The following CDH4 variants were observed in gnomAD, a reference collection of about 807,000 sequenced individuals.
CDH4 encodes cadherin-4.
In CDH4, 33 loss-of-function variants were observed where a neutral mutation model predicts 86.0. The ratio of observed to expected loss-of-function variants is 0.38; its 90% CI spans 0.29 to 0.51. The LOEUF (loss-of-function observed/expected upper bound fraction) is 0.51. CDH4 is among the 20% of genes least tolerant of loss of function. The pLI is 0.86. For missense variants in CDH4, 1,114 were observed against 1,307.4 expected, an observed-to-expected ratio of 0.85 and a Z score of 2.28; for synonymous variants, 555 against 549.4, an observed-to-expected ratio of 1.01 and a Z score of -0.14.
intron 2 of CDH4, among the ~76,000 whole-genome samples, chr20:61,698,733 T>C (rs908658974): frequency 1.3e-5 from 2 of 152,160 alleles, no homozygotes; most frequent in Non-Finnish European, 2.9e-5. Context: ...CCCCACCCAG[T>C]AGACCCCCCC....
At chr20:61,584,460 G>A (rs926623247) in intron 2 of CDH4, among the ~76,000 whole-genome samples, 2 of 152,048 alleles carry the variant, frequency 1.3e-5, no homozygotes, top group African/African-American at 4.8e-5. Flanking sequence ...TAACAGTTCT[G>A]CCTGTTTAAC....
At chr20:61,929,471 GTGTA>G in intron 12 of CDH4, 134 bp from the exon 13 acceptor site, 3 of 655,430 alleles carry the variant, frequency 4.6e-6, no homozygotes, top group Admixed American at 2.3e-5. Flanking sequence ...TGTAGCACAG[GTGTA>G]TGTATGTATG....
In CDH4 at chr20:61,339,297, T is replaced by C. The variant is rs145395949; in HGVS notation, c.169+84360T>C. Among the ~76,000 whole-genome samples the C allele has an allele frequency of 2.9e-4, 44 of 152,266 alleles. No homozygotes were observed. The East Asian group carries it at 7.7e-3, about 27-fold the overall frequency. The stretch of plus-strand genomic sequence containing the variant: ...AGGAAGGGACTGGGATGGAAGACAA[T>C]GAGCAAACAGGTCTTCCACTGATGG... On this transcript the variant is annotated intron_variant, in intron 2 of 15. Coordinates refer to ENST00000614565, the MANE Select transcript of CDH4 (RefSeq NM_001794.5).
intron 2 of CDH4, among the ~76,000 whole-genome samples, chr20:61,670,598 T>C (rs992804340): frequency 1.3e-5 from 2 of 152,192 alleles, no homozygotes; most frequent in African/African-American, 2.4e-5. Flanking sequence ...TGTCCAGCAC[T>C]CTAGGAGGAT....
At chr20:61,599,735 T>C (rs2086583449) in intron 2 of CDH4, 2 of 947,872 alleles carry the variant, frequency 2.1e-6, no homozygotes, top group Non-Finnish European at 2.5e-6. Context: ...CCGCTCCTCC[T>C]CCTGACGCGG....
At chr20:61,764,884 C>T (rs971999895) in intron 3 of CDH4, among the ~76,000 whole-genome samples, 10 of 152,200 alleles carry the variant, frequency 6.6e-5, no homozygotes, top group African/African-American at 2.4e-4. Context: ...AGGACCCGTG[C>T]CTGGAGGCTT....
chr20:61,881,252 G>C (rs1019192897), intron 7 of CDH4, among the ~76,000 whole-genome samples: 6 of 152,234 alleles, frequency 3.9e-5, no homozygotes, highest in African/African-American at 1.4e-4. Flanking sequence ...TGCACACGGG[G>C]TGATCTCCGT....
intron 2 of CDH4, among the ~76,000 whole-genome samples, chr20:61,382,743 T>C (rs968338904): frequency 6.6e-6 from 1 of 152,102 alleles, no homozygotes; most frequent in African/African-American, 2.4e-5. Flanking sequence ...TCTCCTCGGG[T>C]GCACCTCCAT....
intron 2 of CDH4, among the ~76,000 whole-genome samples, chr20:61,689,907 G>C (rs1281542273): frequency 7.1e-6 from 1 of 140,646 alleles, no homozygotes; most frequent in Non-Finnish European, 1.5e-5. Flanking sequence ...ATGTGGAATT[G>C]AGCTGGGACG....
intron 2 of CDH4, among the ~76,000 whole-genome samples, chr20:61,726,783 C>T (rs2145920247): frequency 6.6e-6 from 1 of 151,860 alleles, no homozygotes; most frequent in East Asian, 1.9e-4. Flanking sequence ...TTGCTGCCAT[C>T]ATCGTCACCA....
At chr20:61,654,483 A>G (rs1238447355) in intron 2 of CDH4, among the ~76,000 whole-genome samples, 1 of 152,174 alleles carries the variant, frequency 6.6e-6, no homozygotes, top group Admixed American at 6.5e-5. Flanking sequence ...AGAAACTTTA[A>G]TTGTTGATTA....
chr20:61,449,481 G>A (rs906413349), intron 2 of CDH4, among the ~76,000 whole-genome samples: 4 of 152,190 alleles, frequency 2.6e-5, no homozygotes, highest in Admixed American at 6.5e-5. Flanking sequence ...AGCCTGTGAC[G>A]TGGGGATATT....
intron 4 of CDH4, among the ~76,000 whole-genome samples, chr20:61,804,528 TC>T (rs1313693787): frequency 6.6e-6 from 1 of 152,198 alleles, no homozygotes; most frequent in East Asian, 1.9e-4. Context: ...AAGCACTCAG[TC>T]CCCCTTCCTC....
rs765965073 is a variant in CDH4, at chr20:61,672,462, C to T, written c.170-71101C>T. On this transcript the variant is annotated intron_variant, in intron 2 of 15. Transcript: ENST00000614565. ...CAAAGTCAGACACACAGACTTCAAT[C>T]AGGTGTGTATGTGTTGCACAAGAGG... Among the ~76,000 whole-genome samples, 9 of 152,314 alleles carry T rather than the reference C, an allele frequency of 5.9e-5. No individual in the cohort carries two copies. The South Asian group carries it at 1.4e-3, about 25-fold the overall frequency.
intron 2 of CDH4, among the ~76,000 whole-genome samples, chr20:61,404,798 C>A (rs1002367690): frequency 6.6e-6 from 1 of 151,660 alleles, no homozygotes; most frequent in Non-Finnish European, 1.5e-5. Flanking sequence ...CGCCTGTAAT[C>A]CCAGCACTTT....
At chr20:61,788,188 A>C (rs1006416349) in intron 4 of CDH4, among the ~76,000 whole-genome samples, 1 of 152,168 alleles carries the variant, frequency 6.6e-6, no homozygotes, top group African/African-American at 2.4e-5. Context: ...CAATCTTATC[A>C]CAGACTGGAC....
chr20:61,571,467 C>T (rs370987787), intron 2 of CDH4, among the ~76,000 whole-genome samples: 6 of 152,260 alleles, frequency 3.9e-5, no homozygotes, highest in East Asian at 3.9e-4. Context: ...GACCCAGCTC[C>T]GTGGGCCACG....
intron 2 of CDH4, among the ~76,000 whole-genome samples, chr20:61,591,483 C>G (rs1377665446): frequency 6.6e-6 from 1 of 151,872 alleles, no homozygotes; most frequent in Admixed American, 6.6e-5. Context: ...TGTTGTGATG[C>G]ATTGTTTGGG....
At chr20:61,752,690 T>C (rs1269881342) in intron 3 of CDH4, among the ~76,000 whole-genome samples, 1 of 152,154 alleles carries the variant, frequency 6.6e-6, no homozygotes, top group Non-Finnish European at 1.5e-5. Context: ...TATACGGCAG[T>C]AAAAGTGAAC....
Sources: gnomAD v4.1 joint callset for allele counts (sites outside exome capture counted in the v4.1 genomes callset) on GRCh38, gnomAD v4.1.1 for gene constraint, MANE v1.5 for transcripts, NCBI Gene and HGNC (gene_info 2026-07-23, HGNC 2026-07-21) for gene names.